The following ADAMTSL3 variants were observed in gnomAD, a reference collection of about 807,000 sequenced individuals.
ADAMTSL3 encodes ADAMTS like 3, also known as ADAMTS-like protein 3.
Under a neutral mutation model 201.7 loss-of-function variants are expected in ADAMTSL3, and 128 were observed. The observed-to-expected ratio is 0.63, with a 90% CI of 0.55 to 0.73. The LOEUF is 0.73. Among genes scored for constraint, ADAMTSL3 ranks in the 30% least tolerant of loss-of-function variants. The pLI is 0.00. For missense variants in ADAMTSL3, 1,990 were observed against 2,119.6 expected, an observed-to-expected ratio of 0.94 and a Z score of 1.20; for synonymous variants, 738 against 748.4, an observed-to-expected ratio of 0.99 and a Z score of 0.23.
chr15:83,750,081 C>T (rs2062614412), intron 3 of ADAMTSL3, among the ~76,000 whole-genome samples: 1 of 152,198 alleles, frequency 6.6e-6, no homozygotes, highest in Non-Finnish European at 1.5e-5. Context: ...ACTGATTCCT[C>T]CACTCTATGG....
Position 84,038,639 on chromosome 15 carries a change from A to G in ADAMTSL3, c.*833A>G, listed in dbSNP as rs545497756. The G allele has an allele frequency of 6.5e-6, 1 of 152,798 alleles. No homozygotes were observed. Among genetic ancestry groups the G allele is most frequent in the African/African-American group, 2.4e-5 (1 of 41,594 alleles). 9.5% of individuals were successfully genotyped at this position (152,798 alleles called of 1,614,324 possible). On this transcript the variant is annotated 3_prime_UTR_variant, in exon 30 of 30. Transcript: ENST00000286744. Reference sequence around the variant, plus strand: ...ACCAAAGCCTTATTAGACCTAATTTATGCATAAAGTAGTATTCCTGAGAAC... The same window carrying G: ...ACCAAAGCCTTATTAGACCTAATTTGTGCATAAAGTAGTATTCCTGAGAAC...
intron 23 of ADAMTSL3, among the ~76,000 whole-genome samples, chr15:84,011,893 T>C (rs767141104): frequency 6.6e-6 from 1 of 152,232 alleles, no homozygotes; most frequent in Non-Finnish European, 1.5e-5. Flanking sequence ...TTAAGAGATG[T>C]ATAACATCTA....
chr15:83,854,651 T>G (rs1175805404), intron 7 of ADAMTSL3, among the ~76,000 whole-genome samples: 1 of 152,238 alleles, frequency 6.6e-6, no homozygotes, highest in Non-Finnish European at 1.5e-5. Flanking sequence ...TGTACATTGA[T>G]GATCCTTGCC....
intron 23 of ADAMTSL3, among the ~76,000 whole-genome samples, chr15:84,001,899 G>T (rs2067797474): frequency 6.6e-6 from 1 of 152,222 alleles, no homozygotes; most frequent in African/African-American, 2.4e-5. Flanking sequence ...CAGTGGGAAA[G>T]AATGTGGCAA....
At chr15:83,800,677 A>G (rs1469991944) in intron 4 of ADAMTSL3, among the ~76,000 whole-genome samples, 1 of 152,166 alleles carries the variant, frequency 6.6e-6, no homozygotes, top group Non-Finnish European at 1.5e-5. Flanking sequence ...GTATTCCAGT[A>G]TTGCCATCAA....
chr15:83,826,488 A>G (rs543866240), intron 6 of ADAMTSL3, among the ~76,000 whole-genome samples: 1 of 149,834 alleles, frequency 6.7e-6, no homozygotes, highest in African/African-American at 2.5e-5. Context: ...CACAGGTACA[A>G]TTTTTTATTT....
intron 3 of ADAMTSL3, among the ~76,000 whole-genome samples, chr15:83,742,504 A>G (rs2062472935): frequency 1.3e-5 from 2 of 152,346 alleles, no homozygotes; most frequent in South Asian, 4.1e-4. Flanking sequence ...TAAAGCTTTC[A>G]AAAGGCTAAA....
intron 2 of ADAMTSL3, among the ~76,000 whole-genome samples, chr15:83,664,478 C>G (rs1439682484): frequency 6.6e-6 from 1 of 152,232 alleles, no homozygotes; most frequent in African/African-American, 2.4e-5. Flanking sequence ...TGCCTAGATT[C>G]TCCATCACCC....
At chr15:83,890,041 A>G in intron 10 of ADAMTSL3, 68 bp from the exon 11 acceptor site, 1 of 1,512,550 alleles carries the variant, frequency 6.6e-7, no homozygotes. Context: ...GTGTGTGGCA[A>G]GTGATAACTC....
Position 83,970,446 on chromosome 15 carries a change from A to T in ADAMTSL3, c.2491-38A>T, listed in dbSNP as rs115343448. ...TGTTGTTGGCTGGGTCTGCCTGCTC[A>T]TGCTCCATTTGACTCTGTTGCACAA... is the stretch of plus-strand genomic sequence containing the variant. On this transcript the variant is annotated intron_variant, in intron 19 of 29. Coordinates refer to ENST00000286744, the MANE Select transcript of ADAMTSL3 (RefSeq NM_207517.3). 116 of 1,612,936 alleles carry T rather than the reference A, an allele frequency of 7.2e-5. No individual in the cohort carries two copies. In the African/African-American group the frequency reaches 1.4e-3, roughly 19 times the overall value.
intron 3 of ADAMTSL3, among the ~76,000 whole-genome samples, chr15:83,734,031 C>A (rs979736145): frequency 6.6e-6 from 1 of 151,918 alleles, no homozygotes; most frequent in Non-Finnish European, 1.5e-5. Context: ...AGTCTCTCAG[C>A]GTAAAAGGAA....
At chr15:83,803,139 A>G (rs190909058) in intron 4 of ADAMTSL3, among the ~76,000 whole-genome samples, 1 of 152,334 alleles carries the variant, frequency 6.6e-6, no homozygotes, top group African/African-American at 2.4e-5. Context: ...ATGATTTTCA[A>G]TCCTATAAAT....
chr15:83,690,537 C>T (rs1215615924), intron 2 of ADAMTSL3, among the ~76,000 whole-genome samples: 1 of 152,200 alleles, frequency 6.6e-6, no homozygotes, highest in South Asian at 2.1e-4. Flanking sequence ...CTTTACATCT[C>T]AGCTTTGTGG....
At chr15:83,756,218 C>T (rs530181968) in intron 3 of ADAMTSL3, among the ~76,000 whole-genome samples, 2 of 152,276 alleles carry the variant, frequency 1.3e-5, no homozygotes, top group African/African-American at 4.8e-5. Flanking sequence ...AATTTCTTCA[C>T]ATCCTCACTG....
At chr15:83,935,770 G>C (rs190317948) in intron 17 of ADAMTSL3, among the ~76,000 whole-genome samples, 31 of 152,238 alleles carry the variant, frequency 2.0e-4, no homozygotes, top group African/African-American at 2.9e-4. Context: ...ACATTTTAGA[G>C]ATGAAATAGG....
chr15:83,988,780 T>G lies in ADAMTSL3; in HGVS notation c.3806T>G (p.Leu1269Arg). 1 of 1,606,916 alleles carries G rather than the reference T, an allele frequency of 6.2e-7. No individual in the cohort carries two copies. The highest frequency in any genetic ancestry group is 8.5e-7 in the Non-Finnish European group (1 of 1,175,794). ...GIYECSVANH[L>R]GSDVESSSVL... ...TATGAATGTTCTGTAGCTAATCATC[T>G]TGGTTCAGATGTGGAAAGTTCTTCT... Residue 1269 changes from leucine (L) to arginine (R), a missense_variant, in exon 22 of 30, where the codon CTT becomes CGT. Transcript: ENST00000286744.
intron 19 of ADAMTSL3, among the ~76,000 whole-genome samples, chr15:83,944,154 C>T (rs1222614072): frequency 6.6e-6 from 1 of 152,112 alleles, no homozygotes; most frequent in African/African-American, 2.4e-5. Flanking sequence ...TATTTTTGGA[C>T]CACAGTTAAC....
chr15:83,825,594 A>G (rs773818420), intron 6 of ADAMTSL3, among the ~76,000 whole-genome samples: 1 of 152,134 alleles, frequency 6.6e-6, no homozygotes, highest in Non-Finnish European at 1.5e-5. Flanking sequence ...ACTCCAGCCT[A>G]TGATAGGGTG....
intron 5 of ADAMTSL3, among the ~76,000 whole-genome samples, chr15:83,812,644 A>C (rs2063716008): frequency 6.6e-6 from 1 of 152,158 alleles, no homozygotes; most frequent in Non-Finnish European, 1.5e-5. Flanking sequence ...CTAACACTGG[A>C]TCATATTCCA....
Sources: allele counts gnomAD v4.1 joint callset (sites outside exome capture counted in the v4.1 genomes callset), GRCh38; gene constraint gnomAD v4.1.1; transcripts MANE v1.5; gene names NCBI Gene and HGNC (gene_info 2026-07-23, HGNC 2026-07-21).